EPB41L1: variants seen among roughly 807,000 people sequenced by gnomAD.
EPB41L1 encodes the protein erythrocyte membrane protein band 4.1 like 1, also known as band 4.1-like protein 1.
EPB41L1 carries 29 observed loss-of-function variants against 97.8 expected under a neutral mutation model. The ratio of observed to expected loss-of-function variants is 0.30; its 90% CI spans 0.22 to 0.40. The LOEUF is 0.40. EPB41L1 is among the 10% of genes least tolerant of loss of function. The pLI is 1.00. For synonymous variants in EPB41L1, 383 were observed against 459.2 expected, an observed-to-expected ratio of 0.83 and a Z score of 2.12; for missense variants, 812 against 1,162.3, an observed-to-expected ratio of 0.70 and a Z score of 4.38.
rs573666415 is a variant in EPB41L1 at position 36,209,149 on chromosome 20, C to T, written c.1669-339C>T. On this transcript the variant is annotated intron_variant, in intron 14 of 21. Transcript: ENST00000338074. The surrounding 1 kb of genome is among the most constrained non-coding windows in gnomAD (Gnocchi z 4.2). The stretch of plus-strand genomic sequence containing the variant: ...GGTCCGGGCTTCCATCCCTGCCTTT[C>T]GTGCAATGCTGCTTCCAATAAGCTC... 1.9e-4 allele frequency among the ~76,000 whole-genome samples: 29 copies of T among 152,298 alleles called. No individual in the cohort carries two copies. The East Asian group carries it at 1.9e-3, about 10-fold the overall frequency.
intron 2 of EPB41L1, among the ~76,000 whole-genome samples, chr20:36,139,183 G>C (rs937137583): frequency 2.6e-5 from 4 of 152,210 alleles, no homozygotes. Context: ...TGGGAAGGGA[G>C]ACGGCCCGGC....
intron 2 of EPB41L1, among the ~76,000 whole-genome samples, chr20:36,116,651 A>G (rs1249973656): frequency 1.3e-5 from 2 of 152,184 alleles, no homozygotes; most frequent in African/African-American, 4.8e-5. Flanking sequence ...GAATGGCTGG[A>G]CTAGCCATTC....
chr20:36,117,485 A>T (rs1158695441), intron 2 of EPB41L1, among the ~76,000 whole-genome samples: 2 of 152,174 alleles, frequency 1.3e-5, no homozygotes, highest in African/African-American at 4.8e-5. Context: ...CCTGGCTCAC[A>T]CTAGAACTAG....
At chr20:36,201,949 C>T (rs1448414369) in intron 14 of EPB41L1, among the ~76,000 whole-genome samples, 3 of 152,214 alleles carry the variant, frequency 2.0e-5, no homozygotes, top group Admixed American at 6.5e-5. Flanking sequence ...CTGCTGCAAA[C>T]GTGCTGGAAC....
chr20:36,215,260 G>C (rs374853018), intron 17 of EPB41L1, among the ~76,000 whole-genome samples: 2 of 152,010 alleles, frequency 1.3e-5, no homozygotes, highest in South Asian at 4.2e-4. Context: ...CAATCAATAA[G>C]TGGTAGTGCC....
At chr20:36,139,382 T>C (rs1029527820) in intron 2 of EPB41L1, among the ~76,000 whole-genome samples, 1 of 152,252 alleles carries the variant, frequency 6.6e-6, no homozygotes, top group Non-Finnish European at 1.5e-5. Context: ...CAAGCCAGAC[T>C]TACGGTTTGC....
chr20:36,163,437 A>G (rs2060612216), intron 1 of EPB41L1, among the ~76,000 whole-genome samples: 1 of 152,172 alleles, frequency 6.6e-6, no homozygotes, highest in African/African-American at 2.4e-5. Flanking sequence ...AGGCACAAAG[A>G]GGTTAAGGGG....
At chr20:36,136,172 C>T (rs56746535) in intron 2 of EPB41L1, among the ~76,000 whole-genome samples, 10,825 of 151,858 alleles carry the variant, frequency 0.071, 1,345 homozygotes, top group African/African-American at 0.25. Flanking sequence ...ATTTACCACC[C>T]TGACCACTTG....
At chr20:36,124,175 A>C (rs2058866317) in intron 2 of EPB41L1, among the ~76,000 whole-genome samples, 1 of 152,198 alleles carries the variant, frequency 6.6e-6, no homozygotes, top group Non-Finnish European at 1.5e-5. Context: ...GAATGGTGTG[A>C]ACCCGGGATG....
intron 15 of EPB41L1, among the ~76,000 whole-genome samples, chr20:36,211,368 G>A (rs2063120759): frequency 1.3e-5 from 2 of 152,100 alleles, no homozygotes; most frequent in Admixed American, 6.5e-5. Context: ...GCAACGGAAC[G>A]AGATTCCATC....
Position 36,185,245 on chromosome 20 carries a change from A to T in EPB41L1, c.695A>T (p.His232Leu), listed in dbSNP as rs1166483804. The change falls in exon 7 of 22, where the codon CAT (histidine) becomes CTT (leucine). Residue 232 changes from histidine (H) to leucine (L), a missense_variant. Transcript: ENST00000338074. ...CTGGGTGACTATGATGCTGAGGAGCATGTGGGCAACTATGTCAGCGAGCTC... is the reference window on the plus strand; with the variant it reads ...CTGGGTGACTATGATGCTGAGGAGCTTGTGGGCAACTATGTCAGCGAGCTC... ...AELGDYDAEEHVGNYVSELRF... is the reference protein window; with the variant it reads ...AELGDYDAEELVGNYVSELRF... 6.2e-6 allele frequency: 10 copies of T among 1,614,008 alleles called. No homozygotes were observed. Among genetic ancestry groups the T allele is most frequent in the Non-Finnish European group, 8.5e-6 (10 of 1,180,048 alleles).
chr20:36,171,116 CAG>C (rs1388683630), intron 1 of EPB41L1, among the ~76,000 whole-genome samples: 1 of 149,752 alleles, frequency 6.7e-6, no homozygotes, highest in Admixed American at 6.6e-5. Flanking sequence ...AGAAAACACA[CAG>C]ATGAGTCTGT....
intron 5 of EPB41L1, among the ~76,000 whole-genome samples, chr20:36,181,184 G>A (rs1376129095): frequency 6.6e-6 from 1 of 152,194 alleles, no homozygotes; most frequent in East Asian, 1.9e-4. Flanking sequence ...GCCCTGCCAT[G>A]GATGGGCCTC....
At chr20:36,156,991 C>T (rs544138059) in intron 1 of EPB41L1, among the ~76,000 whole-genome samples, 7 of 152,182 alleles carry the variant, frequency 4.6e-5, no homozygotes, top group Non-Finnish European at 5.9e-5. Context: ...TTTGGGAGGA[C>T]GAGGCGGGCA....
rs1228794625 is a variant in EPB41L1 at position 36,154,993 on chromosome 20, G to A, written c.-15+97G>A. On this transcript the variant is annotated intron_variant, in intron 1 of 21. Transcript: ENST00000338074. This position sits in a 1 kb window ranked among gnomAD's most constrained non-coding sequence, Gnocchi z 5.5. ...TGGGGAGGAACGGGGGCGAGGCCGAGAACTGAGTTTTCAGGCTGTTGGTCC... is the reference window on the plus strand; with the variant it reads ...TGGGGAGGAACGGGGGCGAGGCCGAAAACTGAGTTTTCAGGCTGTTGGTCC... 1 of 1,100,534 alleles carries A rather than the reference G, an allele frequency of 9.1e-7. No homozygotes were observed. The highest frequency in any genetic ancestry group is 1.2e-6 in the Non-Finnish European group (1 of 856,480). The allele number at this position is 1,100,534 out of a possible 1,614,324, so 68.2% of individuals were successfully genotyped here. A position where few individuals can be genotyped will look rare whatever the true frequency, so the allele number is the denominator to read the frequency against.
intron 3 of EPB41L1, among the ~76,000 whole-genome samples, chr20:36,177,412 T>G (rs2061291026): frequency 6.6e-6 from 1 of 152,180 alleles, no homozygotes; most frequent in Admixed American, 6.5e-5. Context: ...CCCATGAGCC[T>G]CTGTGAAACC....
chr20:36,223,975 CTT>C (rs1046964667), intron 21 of EPB41L1, among the ~76,000 whole-genome samples: 1 of 152,188 alleles, frequency 6.6e-6, no homozygotes, highest in Non-Finnish European at 1.5e-5. Flanking sequence ...TGAAACCAGT[CTT>C]TTCTAGAAAG....
In EPB41L1 at chr20:36,202,810, C is replaced by CAAAA. The variant is rs35492694; in HGVS notation, c.1668+4786_1668+4789dup. The stretch of plus-strand genomic sequence containing the variant: ...TGGAAGACAGAGCAAAACTCCGTCT[C>CAAAA]AAAAAAAAAAAAAAAAAAAAGGCAG... On this transcript the variant is annotated intron_variant, in intron 14 of 21. Coordinates refer to ENST00000338074, the MANE Select transcript of EPB41L1 (RefSeq NM_012156.2). Among the ~76,000 whole-genome samples, 12 of 45,828 alleles carry CAAAA rather than the reference C, an allele frequency of 2.6e-4. No homozygotes were observed. The East Asian group carries it at 6.2e-3, about 24-fold the overall frequency. 30.1% of individuals were successfully genotyped at this position (45,828 alleles called of 152,430 possible).
chr20:36,174,172 C>T (rs1402715451), intron 2 of EPB41L1, among the ~76,000 whole-genome samples: 2 of 152,102 alleles, frequency 1.3e-5, no homozygotes, highest in East Asian at 1.9e-4. Context: ...AGTGCAGCCT[C>T]AATCTCCCAG....
Sources: allele counts gnomAD v4.1 joint callset (sites outside exome capture counted in the v4.1 genomes callset), GRCh38; gene constraint gnomAD v4.1.1; non-coding constraint Gnocchi (gnomAD v3.1); transcripts MANE v1.5; gene names NCBI Gene and HGNC (gene_info 2026-07-23, HGNC 2026-07-21).